The following DAB1 variants were observed in gnomAD, a reference collection of about 807,000 sequenced individuals.
The protein encoded by DAB1 is DAB adaptor protein 1, also known as disabled homolog 1.
DAB1 carries 15 observed loss-of-function variants against 64.6 expected under a neutral mutation model. That is an observed-to-expected ratio of 0.23 (90% CI 0.16 to 0.36). The LOEUF (loss-of-function observed/expected upper bound fraction) is 0.36. DAB1 is among the 10% of genes least tolerant of loss of function. DAB1 has a pLI of 1.00. For synonymous variants in DAB1, 235 were observed against 251.9 expected, an observed-to-expected ratio of 0.93 and a Z score of 0.64; for missense variants, 596 against 706.7, an observed-to-expected ratio of 0.84 and a Z score of 1.78.
chr1:57,274,802 G>A (rs1412370771), intron 2 of DAB1, among the ~76,000 whole-genome samples: 2 of 151,832 alleles, frequency 1.3e-5, no homozygotes, highest in South Asian at 2.1e-4. Flanking sequence ...GGCTGGTCTC[G>A]AGCTCCTGAC....
chr1:58,450,828 A>T (rs1258549053), intron 3 of DAB1, among the ~76,000 whole-genome samples: 1 of 152,200 alleles, frequency 6.6e-6, no homozygotes, highest in Non-Finnish European at 1.5e-5. Flanking sequence ...TAACCAAGAG[A>T]TCAAGGTTAA....
chr1:58,367,138 GAATA>G (rs1446191816), intron 3 of DAB1, among the ~76,000 whole-genome samples: 1 of 152,084 alleles, frequency 6.6e-6, no homozygotes, highest in Non-Finnish European at 1.5e-5. Context: ...AATATGAAGG[GAATA>G]AATACTTATT....
intron 7 of DAB1, among the ~76,000 whole-genome samples, chr1:57,441,705 C>G (rs1685967507): frequency 6.6e-6 from 1 of 152,166 alleles, no homozygotes; most frequent in South Asian, 2.1e-4. Context: ...TAGTTTGATT[C>G]CATGTCTTTG....
At chr1:58,328,089 G>A (rs936652069) in intron 4 of DAB1, among the ~76,000 whole-genome samples, 25 of 152,122 alleles carry the variant, frequency 1.6e-4, no homozygotes, top group Non-Finnish European at 2.5e-4. Context: ...CCGAGCACCC[G>A]CTATTTTGGC....
At chr1:58,049,597 G>C (rs1415693730) in intron 5 of DAB1, among the ~76,000 whole-genome samples, 2 of 152,136 alleles carry the variant, frequency 1.3e-5, no homozygotes, top group Non-Finnish European at 2.9e-5. Context: ...TTTTGGAATA[G>C]AAGAAAGAGC....
intron 5 of DAB1, among the ~76,000 whole-genome samples, chr1:57,972,242 T>C (rs532392959): frequency 1.5e-4 from 23 of 152,256 alleles, no homozygotes; most frequent in African/African-American, 5.5e-4. Context: ...TATTTTAATA[T>C]TTTTATTTTT....
chr1:57,343,080 C>A (rs1677760734), intron 1 of DAB1, among the ~76,000 whole-genome samples: 1 of 151,990 alleles, frequency 6.6e-6, no homozygotes, highest in Non-Finnish European at 1.5e-5. Flanking sequence ...GTCCAGTGGT[C>A]TGTTTTGACA....
intron 2 of DAB1, among the ~76,000 whole-genome samples, chr1:57,269,176 A>G (rs1348259494): frequency 1.3e-5 from 2 of 152,116 alleles, no homozygotes; most frequent in Non-Finnish European, 2.9e-5. Context: ...CCAGTCTCCC[A>G]CCAGCACCTC....
chr1:58,022,081 T>C (rs1646823099), intron 5 of DAB1, among the ~76,000 whole-genome samples: 1 of 152,202 alleles, frequency 6.6e-6, no homozygotes, highest in Non-Finnish European at 1.5e-5. Context: ...ACAGATCCCA[T>C]GGGCAGACCC....
At chr1:58,460,414 G>A (rs936888619) in intron 3 of DAB1, among the ~76,000 whole-genome samples, 1 of 152,154 alleles carries the variant, frequency 6.6e-6, no homozygotes, top group Non-Finnish European at 1.5e-5. Flanking sequence ...GTTTGGAGAG[G>A]TGGGGACCAG....
intron 2 of DAB1, among the ~76,000 whole-genome samples, chr1:57,167,198 T>A (rs1661280357): frequency 6.6e-6 from 1 of 152,166 alleles, no homozygotes; most frequent in African/African-American, 2.4e-5. Flanking sequence ...ACAAATTAAA[T>A]AATTTGGTTC....
chr1:57,407,884 G>T (rs996130015), intron 1 of DAB1, among the ~76,000 whole-genome samples: 1 of 151,916 alleles, frequency 6.6e-6, no homozygotes, highest in Non-Finnish European at 1.5e-5. Context: ...ATATTCACCC[G>T]CTGGCTTCCT....
chr1:58,401,129 G>T (rs149668883), intron 3 of DAB1, among the ~76,000 whole-genome samples: 1 of 152,294 alleles, frequency 6.6e-6, no homozygotes, highest in East Asian at 1.9e-4. Context: ...TGAGAATAGT[G>T]ACTGGCATAA....
chr1:57,802,448 G>T (rs985711080), intron 6 of DAB1, among the ~76,000 whole-genome samples: 1 of 152,186 alleles, frequency 6.6e-6, no homozygotes, highest in Non-Finnish European at 1.5e-5. Context: ...AGAGGGAGAA[G>T]TTGAATTGGG....
chr1:57,256,350 C>A (rs746274996), intron 2 of DAB1, among the ~76,000 whole-genome samples: 1 of 152,146 alleles, frequency 6.6e-6, no homozygotes, highest in Non-Finnish European at 1.5e-5. Context: ...AGTAAGGGGT[C>A]TCTGAGGTTC....
chr1:57,633,279 C>T (rs1646013044), intron 7 of DAB1, among the ~76,000 whole-genome samples: 1 of 152,220 alleles, frequency 6.6e-6, no homozygotes, highest in South Asian at 2.1e-4. Context: ...CTTGAGCACG[C>T]ATCTGAATAA....
At chr1:57,969,460 A>G (rs1184868499) in intron 5 of DAB1, among the ~76,000 whole-genome samples, 1 of 152,162 alleles carries the variant, frequency 6.6e-6, no homozygotes, top group Non-Finnish European at 1.5e-5. Flanking sequence ...CTCGTGCCTC[A>G]GCCTCCCGAG....
At chr1:57,406,067 G>A (rs1368273367) in intron 1 of DAB1, among the ~76,000 whole-genome samples, 2 of 152,078 alleles carry the variant, frequency 1.3e-5, no homozygotes, top group Non-Finnish European at 2.9e-5. Flanking sequence ...AAATTACCTG[G>A]GACTCCCCAT....
intron 5 of DAB1, among the ~76,000 whole-genome samples, chr1:58,127,766 T>G (rs1190219580): frequency 6.6e-6 from 1 of 151,462 alleles, no homozygotes; most frequent in Non-Finnish European, 1.5e-5. Context: ...GATCACATAG[T>G]TGTAGATATG....
Sources: gnomAD v4.1 joint callset for allele counts (sites outside exome capture counted in the v4.1 genomes callset) on GRCh38, gnomAD v4.1.1 for gene constraint, MANE v1.5 for transcripts, NCBI Gene and HGNC (gene_info 2026-07-23, HGNC 2026-07-21) for gene names.